Variants in RNF144A observed in about 807,000 individuals in gnomAD.
RNF144A encodes ring finger protein 144A.
A neutral mutation model predicts 38.7 loss-of-function variants in RNF144A; 11 were observed. That is an observed-to-expected ratio of 0.28 (90% confidence interval 0.18 to 0.47). The LOEUF (loss-of-function observed/expected upper bound fraction) is 0.47, where lower values mean the gene tolerates loss of function less well. RNF144A is among the 20% of genes least tolerant of loss of function. The pLI is 0.99. For synonymous variants in RNF144A, 149 were observed against 143.9 expected (o/e 1.04, Z -0.25); for missense variants, 316 against 377.2 (o/e 0.84, Z 1.34).
chr2:7,047,245 T>C (rs150060362), downstream of RNF144A, among the ~76,000 whole-genome samples: 205 of 150,264 alleles, frequency 1.4e-3, no homozygotes, highest in African/African-American at 4.8e-3. Context: ...ATGAAGTACA[T>C]GTGTGAGTGT....
At chr2:7,029,982 C>A in intron 7 of RNF144A, 144 bp from the exon 8 acceptor site, 1 of 637,888 alleles carries the variant, frequency 1.6e-6, no homozygotes, top group Non-Finnish European at 2.8e-6. Flanking sequence ...CAGGTGTTCC[C>A]GGATGCGTGC....
chr2:7,072,058 T>C (rs757206348), downstream of RNF144A, among the ~76,000 whole-genome samples: 1 of 152,200 alleles, frequency 6.6e-6, no homozygotes, highest in Non-Finnish European at 1.5e-5. Context: ...GTCATTCTGC[T>C]CAGTGACAGT....
chr2:7,007,176 T>TTGAGGACCGAC (rs1427728527), intron 3 of RNF144A, among the ~76,000 whole-genome samples: 1 of 152,130 alleles, frequency 6.6e-6, no homozygotes, highest in Non-Finnish European at 1.5e-5. Flanking sequence ...CGACAGCAGG[T>TTGAGGACCGAC]AGCGTCCTCA....
chr2:6,925,933 A>G (rs888065553), intron 1 of RNF144A, among the ~76,000 whole-genome samples: 2 of 152,248 alleles, frequency 1.3e-5, no homozygotes, highest in African/African-American at 2.4e-5. Flanking sequence ...ATGTACCAGT[A>G]TCAGGCATAG....
chr2:6,920,295 C>T (rs1664452905), intron 1 of RNF144A, among the ~76,000 whole-genome samples: 1 of 152,164 alleles, frequency 6.6e-6, no homozygotes, highest in African/African-American at 2.4e-5. Context: ...ACCAGGTGGG[C>T]CAGCACCCAC....
chr2:6,987,053 G>A (rs879404319), intron 2 of RNF144A, among the ~76,000 whole-genome samples: 11 of 152,040 alleles, frequency 7.2e-5, no homozygotes, highest in African/African-American at 1.4e-4. Context: ...GGGTCAGAAC[G>A]CGTGGCTGTG....
intron 3 of RNF144A, among the ~76,000 whole-genome samples, chr2:7,004,189 G>A (rs1670292464): frequency 6.6e-6 from 1 of 152,236 alleles, no homozygotes; most frequent in African/African-American, 2.4e-5. Context: ...ACTCTATGCA[G>A]CTCAAACCAG....
intron 2 of RNF144A, among the ~76,000 whole-genome samples, chr2:6,992,311 C>T (rs1158364235): frequency 6.6e-6 from 1 of 152,202 alleles, no homozygotes; most frequent in Non-Finnish European, 1.5e-5. Flanking sequence ...GGAGCCCAAC[C>T]AGTTACATTC....
chr2:7,043,384 A>G lies in RNF144A; in HGVS notation c.*3624A>G. On this transcript the variant is annotated 3_prime_UTR_variant, in exon 9 of 9. Coordinates refer to ENST00000320892, the MANE Select transcript of RNF144A (RefSeq NM_014746.6). ...AAACATTTTTTTCTTGGTAGTCTTT[A>G]AAAATTAGGGGATTGAAAGGATCCA... is the stretch of plus-strand genomic sequence containing the variant. 1 of 985,462 alleles carries G rather than the reference A, an allele frequency of 1.0e-6. No individual in the cohort carries two copies. The highest frequency in any genetic ancestry group is 1.2e-6 in the Non-Finnish European group (1 of 829,794). The allele number at this position is 985,462 out of a possible 1,614,324, so 61.0% of individuals were successfully genotyped here. A position where few individuals can be genotyped will look rare whatever the true frequency, so the allele number is the denominator to read the frequency against.
intron 3 of RNF144A, among the ~76,000 whole-genome samples, chr2:7,008,824 C>G (rs1239549669): frequency 6.6e-6 from 1 of 152,240 alleles, no homozygotes; most frequent in African/African-American, 2.4e-5. Flanking sequence ...TCTGGGCATC[C>G]TCCTGGCCTC....
At chr2:6,999,059 G>GT (rs1669937471) in intron 3 of RNF144A, among the ~76,000 whole-genome samples, 1 of 152,128 alleles carries the variant, frequency 6.6e-6, no homozygotes, top group African/African-American at 2.4e-5. Context: ...GAGAATTGTA[G>GT]TAAAAACAAA....
intron 2 of RNF144A, among the ~76,000 whole-genome samples, chr2:6,966,933 T>C (rs1667702238): frequency 6.6e-6 from 1 of 152,194 alleles, no homozygotes; most frequent in Non-Finnish European, 1.5e-5. Context: ...TGAAGATCCA[T>C]GCTTCTCCCC....
rs370207915 is a variant in RNF144A at position 6,971,918 on chromosome 2, C to T, written c.-11-24998C>T. 1.2e-3 allele frequency among the ~76,000 whole-genome samples: 181 copies of T among 152,222 alleles called. 1 individual carries two copies. The highest frequency in any genetic ancestry group is 0.012 in the South Asian group (57 of 4,820). ...TGATTTTGTTCTTTTGAACCTAATG[C>T]AGTTTCCTTTCTAGTCTTTTCTTAA... is the stretch of plus-strand genomic sequence containing the variant. On this transcript the variant is annotated intron_variant, in intron 2 of 8. Transcript: ENST00000320892.
chr2:6,988,230 G>T (rs1669079513), intron 2 of RNF144A, among the ~76,000 whole-genome samples: 1 of 152,212 alleles, frequency 6.6e-6, no homozygotes, highest in Non-Finnish European at 1.5e-5. Context: ...CTCATGCCCA[G>T]CTTCTCCTGT....
At chr2:6,918,645 T>C (rs997410582) in intron 1 of RNF144A, 4 of 149,698 alleles carry the variant, frequency 2.7e-5, no homozygotes, top group African/African-American at 9.8e-5. Context: ...GCGCCTGTAG[T>C]CCCAGCTACT....
chr2:6,926,261 A>C (rs575119579), intron 1 of RNF144A, among the ~76,000 whole-genome samples: 20 of 152,202 alleles, frequency 1.3e-4, no homozygotes, highest in Non-Finnish European at 2.8e-4. Context: ...TCAAGAAGCG[A>C]CAAGCTTTTC....
At chr2:6,953,090 T>C (rs1170582758) in intron 2 of RNF144A, among the ~76,000 whole-genome samples, 2 of 152,178 alleles carry the variant, frequency 1.3e-5, no homozygotes, top group Non-Finnish European at 2.9e-5. Context: ...AGCTCAATAA[T>C]TTTTAGCCCT....
intron 5 of RNF144A, 129 bp from the exon 6 acceptor site, chr2:7,020,344 G>T: frequency 1.3e-6 from 1 of 765,148 alleles, no homozygotes; most frequent in African/African-American, 1.7e-5. Context: ...CTTCGGTTGG[G>T]GCTGGTGGTG....
intron 8 of RNF144A, among the ~76,000 whole-genome samples, chr2:7,035,974 A>G (rs577327627): frequency 2.0e-5 from 3 of 152,232 alleles, no homozygotes; most frequent in Admixed American, 2.0e-4. Flanking sequence ...GTAAATGAGC[A>G]TGAAAACCAG....
Sources: gnomAD v4.1 joint callset for allele counts (sites outside exome capture counted in the v4.1 genomes callset) on GRCh38, gnomAD v4.1.1 for gene constraint, MANE v1.5 for transcripts, NCBI Gene and HGNC (gene_info 2026-07-23, HGNC 2026-07-21) for gene names.